INSL6: variants seen among roughly 807,000 people sequenced by gnomAD.
INSL6 encodes the protein insulin like 6, also known as insulin-like peptide INSL6.
In INSL6, 16 loss-of-function variants were observed where a neutral mutation model predicts 9.4. That is an observed-to-expected ratio of 1.70 (90% CI 1.15 to 2.59). INSL6 has a LOEUF of 2.59. Among genes scored for constraint, INSL6 ranks in the 30% most tolerant of loss-of-function variants. The pLI is 0.00. For synonymous variants in INSL6, 154 were observed against 96.9 expected (o/e 1.59, Z -3.46); for missense variants, 391 against 257.3 (o/e 1.52, Z -3.56).
the INSL6 span, among the ~76,000 whole-genome samples, chr9:5,092,583 A>G: frequency 6.6e-6 from 1 of 152,206 alleles, no homozygotes; most frequent in African/African-American, 2.4e-5. Context: ...TTGGCACAAT[A>G]GATACAGTAC....
intron 1 of INSL6, among the ~76,000 whole-genome samples, chr9:5,179,792 A>T (rs1048289436): frequency 8.5e-5 from 13 of 152,218 alleles, no homozygotes; most frequent in African/African-American, 2.9e-4. Flanking sequence ...GAACTGAACG[A>T]TGAGAACACA....
At chr9:5,044,521 G>A in the INSL6 span, 1 of 1,530,222 alleles carries the variant, frequency 6.5e-7, no homozygotes. Context: ...CTTTGCTCAG[G>A]TATGATTATA....
intron 2 of INSL6, among the ~76,000 whole-genome samples, chr9:5,154,373 G>A (rs1021319168): frequency 1.5e-4 from 23 of 152,082 alleles, no homozygotes; most frequent in African/African-American, 5.3e-4. Flanking sequence ...AAAAACTGTA[G>A]AAGAAAACCT....
At chr9:5,096,549 T>C in the INSL6 span, 149 of 152,338 alleles carry the variant, frequency 9.8e-4, no homozygotes, top group African/African-American at 3.3e-3. Flanking sequence ...AGCTGCTCCT[T>C]TGAATTTGCA....
chr9:4,996,141 A>T, the INSL6 span, among the ~76,000 whole-genome samples: 1 of 152,232 alleles, frequency 6.6e-6, no homozygotes, highest in Non-Finnish European at 1.5e-5. Flanking sequence ...ACAGAATTAC[A>T]GGGAAGTCTG....
At chr9:5,051,643 T>A in the INSL6 span, among the ~76,000 whole-genome samples, 153 of 152,272 alleles carry the variant, frequency 1.0e-3, 1 homozygote, top group African/African-American at 2.8e-3. Context: ...AAAAGGTATA[T>A]ATAAGAATGG....
chr9:5,023,311 T>G, the INSL6 span, among the ~76,000 whole-genome samples: 3 of 152,222 alleles, frequency 2.0e-5, no homozygotes, highest in Admixed American at 6.5e-5. Context: ...TTCAGTTCCA[T>G]CCATGTTGCT....
intron 1 of INSL6, among the ~76,000 whole-genome samples, chr9:5,167,798 G>C (rs1825088645): frequency 6.6e-6 from 1 of 152,178 alleles, no homozygotes; most frequent in Non-Finnish European, 1.5e-5. Flanking sequence ...AACTGGGTGA[G>C]ACCTCCCAAC....
chr9:5,160,556 C>G (rs1030005046), downstream of INSL6, among the ~76,000 whole-genome samples: 4 of 152,026 alleles, frequency 2.6e-5, no homozygotes, highest in African/African-American at 9.7e-5. Flanking sequence ...AAAGCAAGAG[C>G]AAGCCAAACC....
the INSL6 span, among the ~76,000 whole-genome samples, chr9:5,004,232 C>T: frequency 2.0e-5 from 3 of 152,126 alleles, no homozygotes; most frequent in Admixed American, 6.5e-5. Flanking sequence ...CTTCAGTTTA[C>T]TCCTCCTATC....
chr9:5,109,511 A>C, the INSL6 span: 2 of 152,190 alleles, frequency 1.3e-5, no homozygotes, highest in Non-Finnish European at 2.9e-5. Context: ...GTATTTTTCC[A>C]CTACTATAAT....
chr9:5,092,731 C>A, the INSL6 span, among the ~76,000 whole-genome samples: 1 of 152,254 alleles, frequency 6.6e-6, no homozygotes, highest in Non-Finnish European at 1.5e-5. Flanking sequence ...GCTGAAAGAG[C>A]GTACTCACCT....
intron 3 of INSL6, among the ~76,000 whole-genome samples, chr9:5,130,004 A>G (rs1199101382): frequency 1.3e-5 from 2 of 152,182 alleles, no homozygotes; most frequent in Non-Finnish European, 2.9e-5. Flanking sequence ...CAAGCTCTCA[A>G]TATGTTTCAT....
At chr9:5,039,166 G>A in the INSL6 span, among the ~76,000 whole-genome samples, 1 of 151,982 alleles carries the variant, frequency 6.6e-6, no homozygotes, top group African/African-American at 2.4e-5. Flanking sequence ...GGGAAATTAG[G>A]CAAGAAAAAG....
chr9:5,057,803 G>A, the INSL6 span, among the ~76,000 whole-genome samples: 1 of 151,810 alleles, frequency 6.6e-6, no homozygotes, highest in Admixed American at 6.6e-5. Context: ...GGTTGGTCTT[G>A]AAGTCCTGAC....
chr9:5,175,272 C>T (rs1463661272), intron 1 of INSL6, among the ~76,000 whole-genome samples: 2 of 152,092 alleles, frequency 1.3e-5, no homozygotes, highest in Non-Finnish European at 2.9e-5. Flanking sequence ...TTCCTCATAT[C>T]TCACATCAAA....
chr9:5,164,728 C>T (rs1479762407), intron 1 of INSL6, among the ~76,000 whole-genome samples: 1 of 152,232 alleles, frequency 6.6e-6, no homozygotes, highest in Non-Finnish European at 1.5e-5. Flanking sequence ...TAAATGAAAG[C>T]ATACAATACA....
the INSL6 span, chr9:5,113,741 C>A: frequency 5.9e-6 from 1 of 168,118 alleles, no homozygotes; most frequent in South Asian, 1.6e-4. Flanking sequence ...GCCCTCTGGC[C>A]ATTACGCCAT....
rs560434962 is a variant in INSL6, at chr9:5,136,588, T to A, written c.377-2996A>T. ...TTCTACAGCCCTTCATGCTAAAAAGTCTCAATAAACTAGGTACTGATGGAA... is the reference window on the plus strand; with the variant it reads ...TTCTACAGCCCTTCATGCTAAAAAGACTCAATAAACTAGGTACTGATGGAA... On this transcript the variant is annotated intron_variant, in intron 2 of 3. Transcript: ENST00000649639. 1.5e-4 allele frequency among the ~76,000 whole-genome samples: 23 copies of A among 152,298 alleles called. 1 individual carries two copies. The South Asian group carries it at 4.6e-3, about 30-fold the overall frequency.
Sources: gnomAD v4.1 joint callset for allele counts (sites outside exome capture counted in the v4.1 genomes callset) on GRCh38, gnomAD v4.1.1 for gene constraint, MANE v1.5 for transcripts, NCBI Gene and HGNC (gene_info 2026-07-23, HGNC 2026-07-21) for gene names.